Variants in NCAM1 observed in about 807,000 individuals in gnomAD.
NCAM1 encodes the protein neural cell adhesion molecule 1.
In NCAM1, 14 loss-of-function variants were observed where a neutral mutation model predicts 109.8. That is an observed-to-expected ratio of 0.13 (90% CI 0.08 to 0.20). NCAM1 has a LOEUF of 0.20. Ranked by LOEUF, NCAM1 falls within the 10% of genes least tolerant of loss-of-function variation. The probability of loss-of-function intolerance (pLI) is 1.00; values close to 1 mark genes in which losing one functional copy is unlikely to be tolerated. For synonymous variants in NCAM1, 418 were observed against 442.9 expected (o/e 0.94, Z 0.70); for missense variants, 774 against 1,109.9 (o/e 0.70, Z 4.30).
At chr11:113,110,325 A>T (rs1371645052) in intron 1 of NCAM1, among the ~76,000 whole-genome samples, 1 of 152,180 alleles carries the variant, frequency 6.6e-6, no homozygotes, top group East Asian at 1.9e-4. Context: ...TCATAAACTC[A>T]TTTCACCCCA....
At chr11:112,992,265 C>T (rs1312250033) in intron 1 of NCAM1, among the ~76,000 whole-genome samples, 2 of 152,004 alleles carry the variant, frequency 1.3e-5, no homozygotes, top group Admixed American at 1.3e-4. Flanking sequence ...TGATGAAAAA[C>T]ACTAGTTCAC....
intron 9 of NCAM1, among the ~76,000 whole-genome samples, chr11:113,225,632 A>G (rs1035282219): frequency 2.6e-5 from 4 of 152,048 alleles, no homozygotes; most frequent in Non-Finnish European, 1.5e-5. Flanking sequence ...CTTAATTGTC[A>G]GATTCACCAA....
intron 1 of NCAM1, among the ~76,000 whole-genome samples, chr11:113,118,866 G>A (rs1392626509): frequency 2.0e-5 from 3 of 151,992 alleles, no homozygotes; most frequent in Admixed American, 1.3e-4. Context: ...TTCAAAACAA[G>A]TCAAGGATAG....
intron 1 of NCAM1, among the ~76,000 whole-genome samples, chr11:113,075,883 A>G (rs1443687640): frequency 6.6e-6 from 1 of 152,260 alleles, no homozygotes; most frequent in Non-Finnish European, 1.5e-5. Flanking sequence ...AATGCTTGTC[A>G]TCATCCTTGG....
chr11:113,008,830 C>G (rs908283425), intron 1 of NCAM1, among the ~76,000 whole-genome samples: 1 of 152,216 alleles, frequency 6.6e-6, no homozygotes, highest in Non-Finnish European at 1.5e-5. Context: ...TACTGCTCTT[C>G]CTTAAACTCT....
At chr11:112,997,744 A>G (rs1380171283) in intron 1 of NCAM1, among the ~76,000 whole-genome samples, 1 of 152,214 alleles carries the variant, frequency 6.6e-6, no homozygotes, top group African/African-American at 2.4e-5. Context: ...AATATCTCTC[A>G]TAAGAACTGT....
chr11:113,136,548 A>C (rs558553346), intron 1 of NCAM1, among the ~76,000 whole-genome samples: 6 of 152,366 alleles, frequency 3.9e-5, no homozygotes, highest in Admixed American at 1.3e-4. Flanking sequence ...ACGAGGAGGC[A>C]TGCGTGAAGC....
At chr11:113,080,846 G>A (rs1434277988) in intron 1 of NCAM1, among the ~76,000 whole-genome samples, 3 of 152,162 alleles carry the variant, frequency 2.0e-5, no homozygotes, top group African/African-American at 7.2e-5. Context: ...AAGTAATTAA[G>A]GGAACAGAGT....
At chr11:113,134,076 A>G (rs1941510245) in intron 1 of NCAM1, 2 of 152,132 alleles carry the variant, frequency 1.3e-5, no homozygotes, top group Admixed American at 1.3e-4. Flanking sequence ...GTTGTGAAAT[A>G]GATCTCCAGA....
At chr11:113,203,573 G>C (rs546568192) in intron 2 of NCAM1, among the ~76,000 whole-genome samples, 1 of 152,322 alleles carries the variant, frequency 6.6e-6, no homozygotes, top group South Asian at 2.1e-4. Flanking sequence ...TCAGAGCCCT[G>C]TTCCAGCTCA....
At chr11:113,097,331 A>T (rs1261873) in intron 1 of NCAM1, among the ~76,000 whole-genome samples, 126,473 of 152,242 alleles carry the variant, frequency 0.83, 52,896 homozygotes, top group African/African-American at 0.93. Context: ...TGCACAAATG[A>T]TAACTCATTT....
intron 11 of NCAM1, among the ~76,000 whole-genome samples, 161 bp downstream of exon 11, chr11:113,232,515 G>A (rs1219425887): frequency 6.6e-6 from 1 of 152,046 alleles, no homozygotes; most frequent in African/African-American, 2.4e-5. Flanking sequence ...GCTCCCCTTC[G>A]CCCACTCTAC....
At chr11:113,178,427 G>A (rs1490639534) in intron 1 of NCAM1, among the ~76,000 whole-genome samples, 1 of 152,218 alleles carries the variant, frequency 6.6e-6, no homozygotes, top group Non-Finnish European at 1.5e-5. Flanking sequence ...GAGTTCCGAT[G>A]TGTATTTCAT....
chr11:113,031,014 C>T (rs12294346), intron 1 of NCAM1, among the ~76,000 whole-genome samples: 1,526 of 152,284 alleles, frequency 0.01, 25 homozygotes, highest in African/African-American at 0.034. Context: ...TTACATTCTA[C>T]ACAGTCACCA....
At chr11:113,097,819 T>C (rs964340477) in intron 1 of NCAM1, among the ~76,000 whole-genome samples, 4 of 152,138 alleles carry the variant, frequency 2.6e-5, no homozygotes, top group Admixed American at 1.3e-4. Flanking sequence ...TCAAGATGTA[T>C]TTAAGTTGAA....
At chr11:113,230,217 A>G (rs782813047) in intron 9 of NCAM1, among the ~76,000 whole-genome samples, 15 of 152,138 alleles carry the variant, frequency 9.9e-5, no homozygotes, top group Non-Finnish European at 1.9e-4. Flanking sequence ...GTTTGTTGTC[A>G]TCTCTCATTA....
intron 1 of NCAM1, among the ~76,000 whole-genome samples, chr11:113,050,833 A>G (rs1555081698): frequency 6.6e-6 from 1 of 152,240 alleles, no homozygotes; most frequent in African/African-American, 2.4e-5. Context: ...TCTAGAATAC[A>G]CAAGCAAATC....
intron 1 of NCAM1, among the ~76,000 whole-genome samples, chr11:113,074,293 G>A (rs529258093): frequency 5.3e-5 from 8 of 152,288 alleles, no homozygotes; most frequent in Admixed American, 4.6e-4. Flanking sequence ...ATTTTAACAT[G>A]CATTGTGATG....
At chr11:113,199,617 G>A (rs2574822) in intron 1 of NCAM1, among the ~76,000 whole-genome samples, 67,021 of 142,484 alleles carry the variant, frequency 0.47, 16,798 homozygotes, top group East Asian at 0.69. Flanking sequence ...GGAACATCAC[G>A]CTCTGGGGAC....
Sources: gnomAD v4.1 joint callset for allele counts (sites outside exome capture counted in the v4.1 genomes callset) on GRCh38, gnomAD v4.1.1 for gene constraint, MANE v1.5 for transcripts, NCBI Gene and HGNC (gene_info 2026-07-23, HGNC 2026-07-21) for gene names.